Variants in DTNB observed in about 807,000 individuals in gnomAD.
DTNB encodes DTN-B.
Under a neutral mutation model 90.7 loss-of-function variants are expected in DTNB, and 63 were observed. The observed-to-expected ratio is 0.69, with a 90% CI of 0.57 to 0.86. DTNB has a LOEUF of 0.86. DTNB is among the 40% of genes least tolerant of loss of function. The pLI is 0.00. For synonymous variants in DTNB, 277 were observed against 286.7 expected (o/e 0.97, Z 0.34); for missense variants, 744 against 807.1 (o/e 0.92, Z 0.95).
At chr2:25,637,544 C>T (rs1385526874) in intron 3 of DTNB, among the ~76,000 whole-genome samples, 1 of 152,214 alleles carries the variant, frequency 6.6e-6, no homozygotes, top group Admixed American at 6.5e-5. Context: ...AAAAAGTGGG[C>T]GAAGGATATG....
chr2:25,407,115 T>C (rs2045392320), intron 16 of DTNB, among the ~76,000 whole-genome samples: 1 of 152,114 alleles, frequency 6.6e-6, no homozygotes, highest in South Asian at 2.1e-4. Flanking sequence ...CTTTAGCAAA[T>C]GACATGACAT....
At chr2:25,646,879 T>C (rs1418508434) in intron 2 of DTNB, among the ~76,000 whole-genome samples, 1 of 152,224 alleles carries the variant, frequency 6.6e-6, no homozygotes, top group Non-Finnish European at 1.5e-5. Flanking sequence ...ATAAATCTCT[T>C]CAAATATTTT....
intron 5 of DTNB, among the ~76,000 whole-genome samples, chr2:25,607,004 TG>T: frequency 6.6e-6 from 1 of 152,366 alleles, no homozygotes; most frequent in South Asian, 2.1e-4. Flanking sequence ...ATTATGATTC[TG>T]AGTCTTTTCC....
At chr2:25,402,617 A>G (rs1001543432) in intron 16 of DTNB, among the ~76,000 whole-genome samples, 1 of 152,146 alleles carries the variant, frequency 6.6e-6, no homozygotes, top group Admixed American at 6.5e-5. Context: ...AGGCCACCAG[A>G]AAGTCTGCCA....
chr2:25,650,094 T>C (rs1421931911), intron 2 of DTNB: 13 of 985,256 alleles, frequency 1.3e-5, no homozygotes, highest in African/African-American at 1.2e-4. Flanking sequence ...TGTGTAAGAG[T>C]AGTAACATTC....
intron 9 of DTNB, among the ~76,000 whole-genome samples, chr2:25,528,694 T>C (rs1475263885): frequency 2.0e-5 from 3 of 152,186 alleles, no homozygotes; most frequent in Admixed American, 6.5e-5. Flanking sequence ...AGCATACGCT[T>C]ACCAAAACAC....
chr2:25,436,898 T>A (rs2055970846), intron 12 of DTNB, among the ~76,000 whole-genome samples: 1 of 152,200 alleles, frequency 6.6e-6, no homozygotes, highest in South Asian at 2.1e-4. Flanking sequence ...ATTTGCTTCA[T>A]ATGATGATGA....
At chr2:25,588,473 C>A (rs1486473782) in intron 6 of DTNB, among the ~76,000 whole-genome samples, 2 of 151,908 alleles carry the variant, frequency 1.3e-5, no homozygotes, top group Non-Finnish European at 2.9e-5. Flanking sequence ...TCAAGCGATT[C>A]TCTGGCCTCA....
chr2:25,670,529 G>T (rs549160867), intron 1 of DTNB, among the ~76,000 whole-genome samples: 1 of 152,332 alleles, frequency 6.6e-6, no homozygotes, highest in African/African-American at 2.4e-5. Context: ...ACAAGTGAGT[G>T]TGTGTTCTGA....
chr2:25,652,542 A>AC (rs2081147530), intron 2 of DTNB, 52 bp downstream of exon 2: 1 of 1,549,846 alleles, frequency 6.5e-7, no homozygotes, highest in Non-Finnish European at 8.6e-7. Context: ...TAAAAAAAAA[A>AC]AAAAAACCAC....
chr2:25,421,163 A>C (rs2049545048), intron 15 of DTNB: 1 of 152,300 alleles, frequency 6.6e-6, no homozygotes, highest in Non-Finnish European at 1.5e-5. Flanking sequence ...CACAGTCTAC[A>C]GACCTGGGTG....
chr2:25,446,374 C>T (rs2058429874), intron 12 of DTNB, among the ~76,000 whole-genome samples: 1 of 152,020 alleles, frequency 6.6e-6, no homozygotes, highest in African/African-American at 2.4e-5. Context: ...GCAGCTGTGA[C>T]TACAGGCACA....
At chr2:25,378,409 G>A (rs574671856) in intron 20 of DTNB, among the ~76,000 whole-genome samples, 3 of 152,212 alleles carry the variant, frequency 2.0e-5, no homozygotes, top group Non-Finnish European at 2.9e-5. Flanking sequence ...CCGGGGGAGC[G>A]GGCAGAGGCC....
chr2:25,627,789 T>C (rs1396543380), intron 4 of DTNB, among the ~76,000 whole-genome samples: 2 of 149,904 alleles, frequency 1.3e-5, no homozygotes, highest in Non-Finnish European at 3.0e-5. Flanking sequence ...CAGGCTGGAG[T>C]GCAGTGGTGC....
Position 25,377,404 on chromosome 2 carries a change from C to G in DTNB, c.*179G>C, listed in dbSNP as rs577843387. On this transcript the variant is annotated 3_prime_UTR_variant, in exon 21 of 21. Transcript: ENST00000406818. ...AGCCCCTCCCCGCTTCCCACCGGCT[C>G]TGGCTCCCCTCTCCCTGGCGGGTGG... The G allele has an allele frequency of 6.5e-6, 1 of 153,402 alleles. No individual in the cohort carries two copies. The highest frequency in any genetic ancestry group is 1.9e-4 in the East Asian group (1 of 5,348). 9.5% of individuals were successfully genotyped at this position (153,402 alleles called of 1,614,324 possible).
chr2:25,577,020 GAAAAGGGGAGAA>G lies in DTNB; in HGVS notation c.710-28_710-17del. On this transcript the variant is annotated splice_polypyrimidine_tract_variant and intron_variant, in intron 7 of 20. Transcript: ENST00000406818. The stretch of plus-strand genomic sequence containing the variant: ...GGATGGAAGACTTGTGGACAGGAGA[GAAAAGGGGAGAA>G]AAAAGGGCAGGAGGGAAGGGATAGA... 1.9e-6 allele frequency: 3 copies of G among 1,574,584 alleles called. No homozygotes were observed. The South Asian group carries it at 3.5e-5, about 18-fold the overall frequency.
chr2:25,550,938 C>T (rs954246970), intron 8 of DTNB, among the ~76,000 whole-genome samples: 19 of 152,368 alleles, frequency 1.2e-4, no homozygotes, highest in African/African-American at 4.6e-4. Context: ...GCGTGAGCCA[C>T]AGCACCCAGC....
At chr2:25,668,536 C>T (rs1360370004) in intron 1 of DTNB, among the ~76,000 whole-genome samples, 1 of 152,110 alleles carries the variant, frequency 6.6e-6, no homozygotes, top group Non-Finnish European at 1.5e-5. Context: ...TAGAACTATA[C>T]AATACAAAGA....
chr2:25,648,215 C>T (rs1373847754), intron 2 of DTNB, among the ~76,000 whole-genome samples: 2 of 152,130 alleles, frequency 1.3e-5, no homozygotes, highest in African/African-American at 4.8e-5. Flanking sequence ...ATGTAAGAAT[C>T]ATAAACTACC....
Sources: gnomAD v4.1 joint callset for allele counts (sites outside exome capture counted in the v4.1 genomes callset) on GRCh38, gnomAD v4.1.1 for gene constraint, MANE v1.5 for transcripts, NCBI Gene and HGNC (gene_info 2026-07-23, HGNC 2026-07-21) for gene names.